Variants in OPCML observed in about 807,000 individuals in gnomAD.
The protein encoded by OPCML is opioid-binding protein/cell adhesion molecule.
Under a neutral mutation model 37.8 loss-of-function variants are expected in OPCML, and 13 were observed. The observed-to-expected ratio is 0.34, with a 90% CI of 0.22 to 0.55. The LOEUF (loss-of-function observed/expected upper bound fraction) is 0.55. OPCML is among the 20% of genes least tolerant of loss of function. The pLI is 0.91. For synonymous variants in OPCML, 176 were observed against 168.8 expected (o/e 1.04, Z -0.33); for missense variants, 341 against 435.6 (o/e 0.78, Z 1.93).
At chr11:132,610,392 C>A (rs1159530547) in intron 3 of OPCML, among the ~76,000 whole-genome samples, 1 of 152,210 alleles carries the variant, frequency 6.6e-6, no homozygotes, top group East Asian at 1.9e-4. Context: ...CAGTTTGACC[C>A]TTCAGCAGCA....
At chr11:132,633,480 C>A (rs533539640) in intron 3 of OPCML, among the ~76,000 whole-genome samples, 5 of 152,114 alleles carry the variant, frequency 3.3e-5, no homozygotes, top group Non-Finnish European at 7.3e-5. Flanking sequence ...TATATCTTTA[C>A]GTAAGCAAAT....
In OPCML at chr11:132,576,183, A is replaced by G. The variant is rs1467549104; in HGVS notation, c.380-46997T>C. Among the ~76,000 whole-genome samples the G allele has an allele frequency of 2.6e-5, 4 of 152,056 alleles. No homozygotes were observed. In the East Asian group the frequency reaches 7.7e-4, roughly 29 times the overall value. On this transcript the variant is annotated intron_variant, in intron 3 of 7. Coordinates refer to ENST00000524381, the MANE Select transcript of OPCML (RefSeq NM_001012393.5). ...TTACTTTTTGGTATCTTGGATCTAG[A>G]TGTCCATTTCCTTCTCCAGGTTTGG...
intron 1 of OPCML, among the ~76,000 whole-genome samples, chr11:133,127,497 G>A (rs547797876): frequency 2.0e-5 from 3 of 152,070 alleles, no homozygotes; most frequent in Admixed American, 6.5e-5. Flanking sequence ...GCCAGGCATG[G>A]TGATGCATGT....
At chr11:133,352,718 T>G (rs1944169760) in intron 1 of OPCML, among the ~76,000 whole-genome samples, 1 of 152,166 alleles carries the variant, frequency 6.6e-6, no homozygotes, top group Admixed American at 6.5e-5. Context: ...ATGAATGAGG[T>G]TTCTTTGAAC....
intron 3 of OPCML, among the ~76,000 whole-genome samples, chr11:132,643,033 G>C (rs1468299550): frequency 6.6e-6 from 1 of 152,186 alleles, no homozygotes; most frequent in Non-Finnish European, 1.5e-5. Context: ...GGGTGGCATA[G>C]GGTGAGAGGC....
At chr11:133,477,717 G>C (rs1947275340) in intron 1 of OPCML, among the ~76,000 whole-genome samples, 1 of 152,190 alleles carries the variant, frequency 6.6e-6, no homozygotes, top group Non-Finnish European at 1.5e-5. Context: ...AGTTTGGGAA[G>C]ATCCTTCAAG....
intron 1 of OPCML, among the ~76,000 whole-genome samples, chr11:133,236,713 C>T (rs766648172): frequency 9.2e-5 from 14 of 152,238 alleles, no homozygotes; most frequent in Non-Finnish European, 1.8e-4. Flanking sequence ...AGGTCATAGC[C>T]TGTTCCTCTT....
chr11:133,433,206 C>T (rs1039088835), intron 1 of OPCML, among the ~76,000 whole-genome samples: 1 of 147,436 alleles, frequency 6.8e-6, no homozygotes, highest in East Asian at 1.9e-4. Flanking sequence ...GAGCCGAGAT[C>T]CCGCCACTGC....
At chr11:132,574,456 G>A (rs912658123) in intron 3 of OPCML, among the ~76,000 whole-genome samples, 13 of 150,778 alleles carry the variant, frequency 8.6e-5, no homozygotes, top group African/African-American at 2.9e-4. Context: ...TTTGTATATC[G>A]TATCTTTGTT....
intron 1 of OPCML, among the ~76,000 whole-genome samples, chr11:132,959,552 G>A (rs1450770587): frequency 1.3e-5 from 2 of 152,154 alleles, no homozygotes; most frequent in Non-Finnish European, 2.9e-5. Flanking sequence ...GGGAAGAGTG[G>A]GGCACAGTGC....
chr11:132,686,347 G>A (rs946622033), intron 2 of OPCML, among the ~76,000 whole-genome samples: 1 of 152,296 alleles, frequency 6.6e-6, no homozygotes. Context: ...GTCATAATTG[G>A]CTAAATCCAC....
intron 1 of OPCML, among the ~76,000 whole-genome samples, chr11:133,030,400 T>C (rs922009845): frequency 2.0e-5 from 3 of 152,128 alleles, no homozygotes; most frequent in African/African-American, 7.2e-5. Flanking sequence ...CCCTGAAAGG[T>C]CTGTGCTCAT....
chr11:133,182,668 G>A (rs1937890934), intron 1 of OPCML, among the ~76,000 whole-genome samples: 1 of 152,224 alleles, frequency 6.6e-6, no homozygotes, highest in Admixed American at 6.5e-5. Context: ...AACTGAGAGA[G>A]CCAGAGCGGA....
intron 1 of OPCML, among the ~76,000 whole-genome samples, chr11:133,098,458 G>A (rs536405352): frequency 4.6e-5 from 7 of 152,018 alleles, no homozygotes; most frequent in East Asian, 1.9e-4. Context: ...CTCATGATCC[G>A]CTCGCCTCAG....
intron 1 of OPCML, among the ~76,000 whole-genome samples, chr11:132,960,084 A>G (rs375123128): frequency 6.6e-6 from 1 of 152,236 alleles, no homozygotes; most frequent in Non-Finnish European, 1.5e-5. Flanking sequence ...CACCAGAGAC[A>G]GAATTTAAAA....
At chr11:133,041,928 G>A (rs760669561) in intron 1 of OPCML, among the ~76,000 whole-genome samples, 27 of 152,200 alleles carry the variant, frequency 1.8e-4, no homozygotes, top group Non-Finnish European at 2.6e-4. Flanking sequence ...AAGGGGCTGC[G>A]AGTCGCCTCC....
At chr11:133,013,727 T>A (rs533762782) in intron 1 of OPCML, among the ~76,000 whole-genome samples, 123 of 152,320 alleles carry the variant, frequency 8.1e-4, no homozygotes, top group Non-Finnish European at 1.4e-3. Flanking sequence ...GAGCCCTGTA[T>A]CCCACTGAAT....
At chr11:133,361,282 G>A (rs1944408864) in intron 1 of OPCML, 2 of 152,348 alleles carry the variant, frequency 1.3e-5, no homozygotes, top group South Asian at 2.1e-4. Flanking sequence ...CCCGCGTGGA[G>A]GGGGTTTCCG....
intron 3 of OPCML, among the ~76,000 whole-genome samples, chr11:132,642,608 A>AT (rs1940916483): frequency 6.6e-6 from 1 of 152,352 alleles, no homozygotes; most frequent in Non-Finnish European, 1.5e-5. Flanking sequence ...CTGGCATAAT[A>AT]TTTGTCATGC....
Sources: allele counts gnomAD v4.1 joint callset (sites outside exome capture counted in the v4.1 genomes callset), GRCh38; gene constraint gnomAD v4.1.1; transcripts MANE v1.5; gene names NCBI Gene and HGNC (gene_info 2026-07-23, HGNC 2026-07-21).